Variants in FOXJ3 observed in about 807,000 individuals in gnomAD.
FOXJ3 encodes forkhead box protein J3.
FOXJ3 carries 22 observed loss-of-function variants against 76.1 expected under a neutral mutation model. The ratio of observed to expected loss-of-function variants is 0.29; its 90% CI spans 0.21 to 0.41. The LOEUF (loss-of-function observed/expected upper bound fraction) is 0.41, where lower values mean the gene tolerates loss of function less well. FOXJ3 is among the 10% of genes least tolerant of loss of function. The probability of loss-of-function intolerance (pLI) is 1.00; values close to 1 mark genes in which losing one functional copy is unlikely to be tolerated. For synonymous variants in FOXJ3, 269 were observed against 261.2 expected (o/e 1.03, Z -0.29); for missense variants, 613 against 762.1 (o/e 0.80, Z 2.30).
intron 2 of FOXJ3, chr1:42,280,438 TAAAAAAAAAAAAAAAA>T: frequency 1.3e-5 from 1 of 77,126 alleles, no homozygotes; most frequent in Non-Finnish European, 1.9e-5. Flanking sequence ...TCAGAGATCT[TAAAAAAAAAAAAAAAA>T]AAAAAAAAAA....
chr1:42,243,731 T>C (rs1649325542), intron 4 of FOXJ3, among the ~76,000 whole-genome samples: 1 of 152,060 alleles, frequency 6.6e-6, no homozygotes, highest in Admixed American at 6.5e-5. Context: ...AAACTCTAAA[T>C]ATATATGCAT....
intron 5 of FOXJ3, among the ~76,000 whole-genome samples, chr1:42,209,880 G>A (rs1646932777): frequency 6.6e-6 from 1 of 152,184 alleles, no homozygotes; most frequent in Admixed American, 6.5e-5. Context: ...CAGAACCAAG[G>A]GGCAAGTGAG....
chr1:42,296,789 C>CT (rs1382703218), intron 2 of FOXJ3, among the ~76,000 whole-genome samples: 1 of 152,138 alleles, frequency 6.6e-6, no homozygotes, highest in East Asian at 1.9e-4. Flanking sequence ...TGGCTGAGTG[C>CT]TTTTTTGATT....
chr1:42,296,246 T>C (rs1653779780), intron 2 of FOXJ3, among the ~76,000 whole-genome samples: 1 of 151,992 alleles, frequency 6.6e-6, no homozygotes, highest in South Asian at 2.1e-4. Context: ...TTTCTGAAAG[T>C]AATCATTTGC....
intron 7 of FOXJ3, among the ~76,000 whole-genome samples, chr1:42,195,394 T>G (rs1302506229): frequency 6.6e-6 from 1 of 152,238 alleles, no homozygotes; most frequent in Admixed American, 6.5e-5. Flanking sequence ...ATCTTCAATC[T>G]TGATTTCTAC....
intron 1 of FOXJ3, among the ~76,000 whole-genome samples, chr1:42,330,067 A>G (rs1237763371): frequency 6.6e-6 from 1 of 152,174 alleles, no homozygotes; most frequent in African/African-American, 2.4e-5. Flanking sequence ...TACAACTACA[A>G]TAAACTTATA....
At chr1:42,258,152 A>G (rs1006034577) in intron 4 of FOXJ3, among the ~76,000 whole-genome samples, 7 of 152,228 alleles carry the variant, frequency 4.6e-5, no homozygotes, top group African/African-American at 7.2e-5. Flanking sequence ...ATGCATATTC[A>G]TCTCAGGAGC....
intron 1 of FOXJ3, among the ~76,000 whole-genome samples, chr1:42,314,346 G>A (rs1430436907): frequency 1.3e-5 from 2 of 152,166 alleles, no homozygotes; most frequent in Admixed American, 6.5e-5. Context: ...TGCCTCCTGG[G>A]TTCAACCAAT....
intron 2 of FOXJ3, among the ~76,000 whole-genome samples, chr1:42,287,001 A>G (rs1385183398): frequency 2.6e-5 from 4 of 152,138 alleles, no homozygotes; most frequent in Non-Finnish European, 5.9e-5. Flanking sequence ...AGAAAAATTC[A>G]CAATATATTC....
intron 4 of FOXJ3, among the ~76,000 whole-genome samples, chr1:42,252,056 T>A (rs1223333453): frequency 6.6e-6 from 1 of 152,208 alleles, no homozygotes; most frequent in Non-Finnish European, 1.5e-5. Context: ...GCATCAATGT[T>A]CATCAAGGAT....
At chr1:42,277,317 T>G (rs1350181614) in intron 3 of FOXJ3, among the ~76,000 whole-genome samples, 1 of 150,716 alleles carries the variant, frequency 6.6e-6, no homozygotes, top group Non-Finnish European at 1.5e-5. Flanking sequence ...GGTGGCGTGC[T>G]CAGGCACTCG....
intron 4 of FOXJ3, among the ~76,000 whole-genome samples, chr1:42,241,955 C>T (rs1050950294): frequency 2.6e-5 from 4 of 152,224 alleles, no homozygotes; most frequent in African/African-American, 9.7e-5. Context: ...TCGCCACAGC[C>T]TCCACTAATG....
At chr1:42,247,014 A>C (rs1292179539) in intron 4 of FOXJ3, among the ~76,000 whole-genome samples, 1 of 152,202 alleles carries the variant, frequency 6.6e-6, no homozygotes, top group Non-Finnish European at 1.5e-5. Flanking sequence ...CAGTCCCCAG[A>C]GGATGGGAAG....
At chr1:42,322,283 GA>G (rs1319281814) in intron 1 of FOXJ3, among the ~76,000 whole-genome samples, 1 of 152,004 alleles carries the variant, frequency 6.6e-6, no homozygotes, top group African/African-American at 2.4e-5. Context: ...TGTTTTTAAA[GA>G]ATCAGGACAT....
At chr1:42,256,203 T>C (rs1557678767) in intron 4 of FOXJ3, among the ~76,000 whole-genome samples, 1 of 152,174 alleles carries the variant, frequency 6.6e-6, no homozygotes, top group Non-Finnish European at 1.5e-5. Flanking sequence ...CACAAGTCAC[T>C]TACCATTAAA....
intron 2 of FOXJ3, among the ~76,000 whole-genome samples, chr1:42,287,959 C>T (rs1027463944): frequency 6.6e-6 from 1 of 151,944 alleles, no homozygotes; most frequent in African/African-American, 2.4e-5. Flanking sequence ...GAATGAGACC[C>T]TGTCACAAAA....
intron 2 of FOXJ3, among the ~76,000 whole-genome samples, chr1:42,284,715 G>A (rs1025024656): frequency 3.9e-5 from 6 of 152,152 alleles, no homozygotes; most frequent in African/African-American, 1.4e-4. Context: ...AAGGCCTCAC[G>A]AAAGCCACCT....
chr1:42,294,561 C>T (rs1057267355), intron 2 of FOXJ3, among the ~76,000 whole-genome samples: 7 of 152,066 alleles, frequency 4.6e-5, no homozygotes, highest in Admixed American at 1.3e-4. Context: ...GAGTTCGAGA[C>T]CAGCCTGGCC....
intron 2 of FOXJ3, among the ~76,000 whole-genome samples, chr1:42,298,834 T>A (rs568209745): frequency 1.3e-5 from 2 of 152,336 alleles, no homozygotes; most frequent in African/African-American, 4.8e-5. Context: ...GGTTTTAGTA[T>A]GCTGTGTCTC....
Sources: gnomAD v4.1 joint callset for allele counts (sites outside exome capture counted in the v4.1 genomes callset) on GRCh38, gnomAD v4.1.1 for gene constraint, MANE v1.5 for transcripts, NCBI Gene and HGNC (gene_info 2026-07-23, HGNC 2026-07-21) for gene names.